The following COL19A1 variants were observed in gnomAD, a reference collection of about 807,000 sequenced individuals.
COL19A1 encodes collagen type XIX alpha 1 chain, also known as collagen alpha-1(XIX) chain.
COL19A1 carries 159 observed loss-of-function variants against 190.2 expected under a neutral mutation model. The observed-to-expected ratio is 0.84, with a 90% CI of 0.73 to 0.95. The LOEUF is 0.95. COL19A1 is among the 40% of genes least tolerant of loss of function. The pLI is 0.00. For missense variants in COL19A1, 1,418 were observed against 1,431.9 expected, an observed-to-expected ratio of 0.99 and a Z score of 0.16; for synonymous variants, 509 against 458.9, an observed-to-expected ratio of 1.11 and a Z score of -1.39.
At chr6:70,044,248 G>A (rs1457657357) in intron 14 of COL19A1, among the ~76,000 whole-genome samples, 1 of 152,170 alleles carries the variant, frequency 6.6e-6, no homozygotes, top group African/African-American at 2.4e-5. Context: ...GGCTATTTGG[G>A]TCTTTTATCC....
chr6:70,181,115 T>C (rs955227030), intron 44 of COL19A1, among the ~76,000 whole-genome samples: 1 of 152,162 alleles, frequency 6.6e-6, no homozygotes, highest in Non-Finnish European at 1.5e-5. Context: ...TGCTGGGCCC[T>C]TAGGGAGGGG....
chr6:69,923,337 C>A (rs972740916), intron 4 of COL19A1, among the ~76,000 whole-genome samples: 2 of 152,090 alleles, frequency 1.3e-5, no homozygotes, highest in Admixed American at 1.3e-4. Flanking sequence ...TTCAGAATCA[C>A]AGTGAAAACT....
chr6:70,179,335 C>T (rs1471382450), intron 42 of COL19A1, among the ~76,000 whole-genome samples: 1 of 152,136 alleles, frequency 6.6e-6, no homozygotes, highest in Non-Finnish European at 1.5e-5. Context: ...TCTATCTTTC[C>T]CAGCCACATT....
At chr6:70,167,914 G>A in intron 37 of COL19A1, 111 bp from the exon 38 acceptor site, 1 of 786,120 alleles carries the variant, frequency 1.3e-6, no homozygotes, top group Non-Finnish European at 2.0e-6. Context: ...AAATAGAATA[G>A]AAAAAAGTAA....
chr6:69,959,942 C>T, intron 9 of COL19A1, 54 bp from the exon 10 acceptor site: 2 of 1,542,806 alleles, frequency 1.3e-6, no homozygotes, highest in Admixed American at 1.8e-5. Context: ...ACAAAAACGT[C>T]TATGTTCATA....
chr6:69,946,480 C>A (rs3805966), intron 9 of COL19A1, among the ~76,000 whole-genome samples: 12,923 of 151,906 alleles, frequency 0.085, 644 homozygotes, highest in East Asian at 0.2. Flanking sequence ...TTACATATTT[C>A]TGTGTGAATA....
At chr6:70,157,411 A>G (rs943024246) in intron 34 of COL19A1, among the ~76,000 whole-genome samples, 10 of 152,148 alleles carry the variant, frequency 6.6e-5, no homozygotes, top group Admixed American at 2.0e-4. Flanking sequence ...TAGAATGATG[A>G]ATTGCTGTTA....
intron 14 of COL19A1, among the ~76,000 whole-genome samples, chr6:70,052,477 A>G (rs1215582533): frequency 6.6e-6 from 1 of 152,224 alleles, no homozygotes; most frequent in Non-Finnish European, 1.5e-5. Context: ...ATGGCTAACT[A>G]TACCGCTGAC....
intron 14 of COL19A1, among the ~76,000 whole-genome samples, chr6:70,038,787 G>T (rs1410526219): frequency 2.6e-5 from 4 of 152,190 alleles, no homozygotes; most frequent in Non-Finnish European, 5.9e-5. Context: ...ACTACTGGTT[G>T]TTGCACTACA....
At chr6:69,937,983 G>A in intron 8 of COL19A1, 55 bp from the exon 9 acceptor site, 1 of 1,543,118 alleles carries the variant, frequency 6.5e-7, no homozygotes, top group Non-Finnish European at 8.9e-7. Flanking sequence ...AAACCATTTG[G>A]CTTTAGATCA....
chr6:70,055,541 G>C (rs904307606), intron 14 of COL19A1, among the ~76,000 whole-genome samples: 2 of 151,920 alleles, frequency 1.3e-5, no homozygotes, highest in East Asian at 1.9e-4. Context: ...CAGCACCTTG[G>C]GGGGCTGAGG....
At chr6:70,074,517 A>AG (rs1781756386) in intron 15 of COL19A1, among the ~76,000 whole-genome samples, 1 of 148,828 alleles carries the variant, frequency 6.7e-6, no homozygotes, top group Non-Finnish European at 1.5e-5. Context: ...AAAAAAAAAA[A>AG]GAGAGAGAAA....
At chr6:69,975,033 C>T (rs751736750) in intron 11 of COL19A1, among the ~76,000 whole-genome samples, 3 of 151,874 alleles carry the variant, frequency 2.0e-5, no homozygotes, top group Non-Finnish European at 4.4e-5. Flanking sequence ...CAGGATGGTG[C>T]TGAGCTCCTG....
At chr6:70,157,396 C>T (rs73746881) in intron 34 of COL19A1, among the ~76,000 whole-genome samples, 9,044 of 152,088 alleles carry the variant, frequency 0.059, 287 homozygotes, top group African/African-American at 0.081. Context: ...CTTAGAAAAA[C>T]CAATTAGAAT....
At chr6:70,142,161 A>T in intron 22 of COL19A1, 85 bp downstream of exon 22, 8 of 1,232,212 alleles carry the variant, frequency 6.5e-6, no homozygotes, top group Non-Finnish European at 9.2e-6. Flanking sequence ...TTGGTATGCC[A>T]CTCATTTTCT....
intron 33 of COL19A1, 122 bp from the exon 34 acceptor site, chr6:70,156,548 T>C: frequency 8.6e-7 from 1 of 1,163,508 alleles, no homozygotes; most frequent in Non-Finnish European, 1.2e-6. Context: ...AATGTTGCCA[T>C]TTATTTGTTC....
chr6:69,921,974 T>C (rs534726498), intron 4 of COL19A1, among the ~76,000 whole-genome samples: 1 of 152,216 alleles, frequency 6.6e-6, no homozygotes, highest in East Asian at 1.9e-4. Flanking sequence ...TATTCAAGCA[T>C]GGATATCTTA....
chr6:70,083,061 G>A, intron 15 of COL19A1, among the ~76,000 whole-genome samples: 1 of 152,294 alleles, frequency 6.6e-6, no homozygotes, highest in African/African-American at 2.4e-5. Context: ...CCTGGGGCCT[G>A]GGGGTTGGGG....
chr6:70,106,326 G>A (rs1783959200), intron 16 of COL19A1, among the ~76,000 whole-genome samples: 1 of 80,214 alleles, frequency 1.2e-5, no homozygotes, highest in Admixed American at 1.2e-4. Flanking sequence ...AGCTAAGTGT[G>A]TGCGTGTGTG....
Sources: gnomAD v4.1 joint callset for allele counts (sites outside exome capture counted in the v4.1 genomes callset) on GRCh38, gnomAD v4.1.1 for gene constraint, MANE v1.5 for transcripts, NCBI Gene and HGNC (gene_info 2026-07-23, HGNC 2026-07-21) for gene names.